Variants in PPM1H observed in about 807,000 individuals in gnomAD.
The protein encoded by PPM1H is protein phosphatase 1H.
A neutral mutation model predicts 54.9 loss-of-function variants in PPM1H; 27 were observed. The observed-to-expected ratio is 0.49, with a 90% confidence interval of 0.36 to 0.68. The LOEUF is 0.68. Ranked by LOEUF, PPM1H falls within the 30% of genes least tolerant of loss-of-function variation. The pLI is 0.00. For missense variants in PPM1H, 596 were observed against 667.8 expected (o/e 0.89, Z 1.19); for synonymous variants, 305 against 270.8 (o/e 1.13, Z -1.24).
At chr12:62,825,454 T>G (rs1442193142) in intron 2 of PPM1H, among the ~76,000 whole-genome samples, 1 of 152,192 alleles carries the variant, frequency 6.6e-6, no homozygotes, top group African/African-American at 2.4e-5. Context: ...TGCAGCACTA[T>G]TCACAATAGC....
intron 1 of PPM1H, among the ~76,000 whole-genome samples, chr12:62,842,185 G>A (rs1274330000): frequency 1.3e-5 from 2 of 152,084 alleles, no homozygotes; most frequent in Admixed American, 6.6e-5. Flanking sequence ...GCTTTTTGCA[G>A]GTTTAGAACA....
At chr12:62,906,828 C>T (rs1871316437) in intron 1 of PPM1H, among the ~76,000 whole-genome samples, 1 of 152,214 alleles carries the variant, frequency 6.6e-6, no homozygotes, top group East Asian at 1.9e-4. Flanking sequence ...AACCTGGCTT[C>T]AGTTTGTTGT....
At chr12:62,838,338 TG>T (rs369140482) in intron 1 of PPM1H, among the ~76,000 whole-genome samples, 2,008 of 93,206 alleles carry the variant, frequency 0.022, 81 homozygotes, top group African/African-American at 0.09. Flanking sequence ...TGTGTGTGTG[TG>T]GGGGGGGGGA....
intron 1 of PPM1H, among the ~76,000 whole-genome samples, chr12:62,914,447 G>A (rs1871558611): frequency 6.6e-6 from 1 of 152,188 alleles, no homozygotes; most frequent in African/African-American, 2.4e-5. Flanking sequence ...CTTAAAAAGG[G>A]AGCAATAGTA....
chr12:62,732,763 G>A (rs1354805790), intron 5 of PPM1H, among the ~76,000 whole-genome samples: 4 of 151,858 alleles, frequency 2.6e-5, no homozygotes, highest in South Asian at 2.1e-4. Context: ...TAGTAGGGAC[G>A]GGGTTTCACC....
intron 1 of PPM1H, 136 bp from the exon 2 acceptor site, chr12:62,832,415 T>C (rs1490231380): frequency 1.3e-6 from 1 of 794,268 alleles, no homozygotes; most frequent in Non-Finnish European, 1.9e-6. Context: ...AACATTATGG[T>C]CTTGGTATTT....
intron 1 of PPM1H, among the ~76,000 whole-genome samples, chr12:62,885,986 A>G (rs1265216903): frequency 6.6e-6 from 1 of 152,220 alleles, no homozygotes; most frequent in African/African-American, 2.4e-5. Context: ...AGAACACCAC[A>G]GTGCTACTGC....
chr12:62,683,722 G>A (rs1346645709), intron 8 of PPM1H, among the ~76,000 whole-genome samples: 10 of 152,178 alleles, frequency 6.6e-5, no homozygotes, highest in South Asian at 2.1e-4. Context: ...AGCTGGCTCC[G>A]CAAACTGGCC....
At chr12:62,665,682 A>G (rs1392766684) in intron 9 of PPM1H, among the ~76,000 whole-genome samples, 1 of 152,070 alleles carries the variant, frequency 6.6e-6, no homozygotes, top group Admixed American at 6.6e-5. Flanking sequence ...ATTTTCTTAA[A>G]AATTGTTTAG....
At chr12:62,927,608 G>A (rs1872011374) in intron 1 of PPM1H, among the ~76,000 whole-genome samples, 2 of 150,824 alleles carry the variant, frequency 1.3e-5, no homozygotes, top group African/African-American at 2.4e-5. Flanking sequence ...GTTGCAGTAA[G>A]CCGAGATCGT....
At chr12:62,740,619 G>C (rs889430587) in intron 4 of PPM1H, among the ~76,000 whole-genome samples, 4 of 152,130 alleles carry the variant, frequency 2.6e-5, no homozygotes, top group Admixed American at 2.6e-4. Context: ...TTACTTAACT[G>C]TCTGCTTTCC....
chr12:62,722,882 G>T (rs2076271301), intron 5 of PPM1H, among the ~76,000 whole-genome samples: 1 of 152,144 alleles, frequency 6.6e-6, no homozygotes, highest in Non-Finnish European at 1.5e-5. Flanking sequence ...TGAGTGCTGG[G>T]TCATATATGC....
At chr12:62,783,124 A>T (rs1480765771) in intron 4 of PPM1H, among the ~76,000 whole-genome samples, 1 of 152,198 alleles carries the variant, frequency 6.6e-6, no homozygotes, top group African/African-American at 2.4e-5. Context: ...GAGCCACTGC[A>T]CTCGGCCAAA....
intron 6 of PPM1H, among the ~76,000 whole-genome samples, chr12:62,698,709 A>AT (rs906216343): frequency 8.6e-5 from 13 of 151,170 alleles, no homozygotes; most frequent in Admixed American, 1.3e-4. Context: ...CATTATGTGT[A>AT]TTTTTTTTTA....
chr12:62,709,573 C>T (rs1209605765), intron 6 of PPM1H, among the ~76,000 whole-genome samples: 3 of 152,130 alleles, frequency 2.0e-5, no homozygotes, highest in Admixed American at 1.3e-4. Context: ...CAATCTTCTC[C>T]AGGAAGTCCT....
intron 1 of PPM1H, among the ~76,000 whole-genome samples, chr12:62,845,451 T>G (rs1179285055): frequency 6.6e-6 from 1 of 152,228 alleles, no homozygotes; most frequent in African/African-American, 2.4e-5. Flanking sequence ...GAACATAGTT[T>G]TAGAAAAGGG....
chr12:62,820,565 A>G (rs1012405962), intron 2 of PPM1H, among the ~76,000 whole-genome samples: 1 of 152,190 alleles, frequency 6.6e-6, no homozygotes, highest in Non-Finnish European at 1.5e-5. Context: ...ATCAGGCAGC[A>G]ACATTTGCCG....
chr12:62,720,730 T>C (rs342171), intron 5 of PPM1H: 86,940 of 165,270 alleles, frequency 0.53, 26,761 homozygotes, highest in African/African-American at 0.87. Flanking sequence ...CACAATGGCT[T>C]GAGTGCTGGT....
At chr12:62,849,180 A>G (rs567553222) in intron 1 of PPM1H, among the ~76,000 whole-genome samples, 1 of 152,338 alleles carries the variant, frequency 6.6e-6, no homozygotes, top group South Asian at 2.1e-4. Flanking sequence ...TGCTCAGCAC[A>G]TCCAACCTGA....
Sources: gnomAD v4.1 joint callset for allele counts (sites outside exome capture counted in the v4.1 genomes callset) on GRCh38, gnomAD v4.1.1 for gene constraint, MANE v1.5 for transcripts, NCBI Gene and HGNC (gene_info 2026-07-23, HGNC 2026-07-21) for gene names.